The following STXBP5L variants were observed in gnomAD, a reference collection of about 807,000 sequenced individuals.
The protein encoded by STXBP5L is syntaxin binding protein 5L, also known as syntaxin-binding protein 5-like.
Under a neutral mutation model 144.5 loss-of-function variants are expected in STXBP5L, and 65 were observed. The ratio of observed to expected loss-of-function variants is 0.45; its 90% confidence interval spans 0.37 to 0.55. The LOEUF is 0.55. Among genes scored for constraint, STXBP5L ranks in the 20% least tolerant of loss-of-function variants. The pLI, the probability that STXBP5L is intolerant of heterozygous loss-of-function variation, is 0.00. For missense variants in STXBP5L, 1,298 were observed against 1,405.5 expected (o/e 0.92, Z 1.22); for synonymous variants, 505 against 469.6 (o/e 1.08, Z -0.97).
At chr3:121,073,822 C>T (rs956279665) in intron 5 of STXBP5L, among the ~76,000 whole-genome samples, 9 of 152,182 alleles carry the variant, frequency 5.9e-5, no homozygotes, top group South Asian at 2.1e-4. Flanking sequence ...CTGCACTTGT[C>T]GCCTAGTGTC....
intron 5 of STXBP5L, among the ~76,000 whole-genome samples, chr3:121,050,575 C>T (rs1339228447): frequency 6.6e-6 from 1 of 152,110 alleles, no homozygotes; most frequent in African/African-American, 2.4e-5. Context: ...AAAAGAGCTC[C>T]TGAAGGAAGC....
At chr3:121,102,334 C>G (rs1211284859) in intron 5 of STXBP5L, among the ~76,000 whole-genome samples, 1 of 151,948 alleles carries the variant, frequency 6.6e-6, no homozygotes, top group Non-Finnish European at 1.5e-5. Flanking sequence ...GTACAGTAAC[C>G]AAAAGAGCAT....
At chr3:121,227,585 A>T (rs868698718) in intron 11 of STXBP5L, among the ~76,000 whole-genome samples, 17 of 151,632 alleles carry the variant, frequency 1.1e-4, no homozygotes, top group Non-Finnish European at 1.9e-4. Flanking sequence ...GTTTCAAAAA[A>T]TTTTTTTTTC....
At chr3:121,010,343 T>C (rs1322371275) in intron 3 of STXBP5L, among the ~76,000 whole-genome samples, 1 of 151,912 alleles carries the variant, frequency 6.6e-6, no homozygotes, top group African/African-American at 2.4e-5. Flanking sequence ...TGATAGGCTC[T>C]GGATCTGAGA....
intron 19 of STXBP5L, among the ~76,000 whole-genome samples, chr3:121,292,787 A>G (rs1344508715): frequency 6.6e-6 from 1 of 152,226 alleles, no homozygotes; most frequent in Non-Finnish European, 1.5e-5. Flanking sequence ...TCAGGAATGG[A>G]AAACCAAACA....
intron 2 of STXBP5L, among the ~76,000 whole-genome samples, chr3:120,940,728 A>G (rs1710526415): frequency 6.6e-6 from 1 of 151,728 alleles, no homozygotes; most frequent in Non-Finnish European, 1.5e-5. Flanking sequence ...TTGAATAATA[A>G]AGATGATAGG....
At chr3:121,237,957 G>A (rs2049537343) in intron 12 of STXBP5L, among the ~76,000 whole-genome samples, 1 of 152,136 alleles carries the variant, frequency 6.6e-6, no homozygotes, top group South Asian at 2.1e-4. Context: ...ATTTCTGTCA[G>A]TATTTTGGTC....
intron 9 of STXBP5L, among the ~76,000 whole-genome samples, chr3:121,195,674 A>G (rs2047892181): frequency 6.6e-6 from 1 of 152,200 alleles, no homozygotes; most frequent in African/African-American, 2.4e-5. Context: ...GCTTTAGTAA[A>G]CTAATAGATT....
chr3:121,099,616 A>G (rs2043311352), intron 5 of STXBP5L: 1 of 152,978 alleles, frequency 6.5e-6, no homozygotes, highest in Admixed American at 6.5e-5. Flanking sequence ...TGTAGAAAAG[A>G]CATCCATACT....
At chr3:121,030,243 G>A (rs1441476530) in intron 3 of STXBP5L, among the ~76,000 whole-genome samples, 1 of 152,130 alleles carries the variant, frequency 6.6e-6, no homozygotes, top group Admixed American at 6.6e-5. Context: ...GTTTATTGTG[G>A]CACTATTCAC....
At chr3:120,949,503 A>G (rs553054839) in intron 2 of STXBP5L, among the ~76,000 whole-genome samples, 1 of 152,000 alleles carries the variant, frequency 6.6e-6, no homozygotes, top group South Asian at 2.1e-4. Flanking sequence ...GCCAATGTCT[A>G]GAAGAGTTTT....
At chr3:121,331,595 G>A (rs1353084987) in intron 20 of STXBP5L, among the ~76,000 whole-genome samples, 1 of 152,120 alleles carries the variant, frequency 6.6e-6, no homozygotes, top group Admixed American at 6.5e-5. Context: ...TCTGGCAGAG[G>A]AGCTGAGGTA....
chr3:121,121,269 C>T (rs1228407894), intron 6 of STXBP5L, among the ~76,000 whole-genome samples: 4 of 151,148 alleles, frequency 2.6e-5, no homozygotes, highest in Non-Finnish European at 5.9e-5. Context: ...TGCAATTTAA[C>T]TGAGACAGTT....
At chr3:121,127,288 G>T (rs1345400508) in intron 7 of STXBP5L, among the ~76,000 whole-genome samples, 1 of 152,026 alleles carries the variant, frequency 6.6e-6, no homozygotes, top group Non-Finnish European at 1.5e-5. Flanking sequence ...TATGACCTTT[G>T]TATATTAGTT....
In STXBP5L at chr3:121,392,003, G is replaced by T. The variant is rs867004025; in HGVS notation, c.2587+10471G>T. Among the ~76,000 whole-genome samples, 6 of 152,318 alleles carry T rather than the reference G, an allele frequency of 3.9e-5. No homozygotes were observed. In the East Asian group the frequency reaches 9.7e-4, roughly 25 times the overall value. On this transcript the variant is annotated intron_variant, in intron 22 of 26. Transcript: ENST00000471454. The stretch of plus-strand genomic sequence containing the variant: ...GCTGCCTTTTTTTCAGCTATGCCCT[G>T]CCCACAGAGGTGGAGTCTAGAGATA...
Position 121,104,886 on chromosome 3 carries a change from A to T in STXBP5L, c.471-10039A>T, listed in dbSNP as rs899205414. Among the ~76,000 whole-genome samples the T allele has an allele frequency of 3.3e-5, 5 of 152,306 alleles. No individual in the cohort carries two copies. In the South Asian group the frequency reaches 1.0e-3, roughly 32 times the overall value. ...ACAAAAAGAAAGATAAATAGATGGG[A>T]CTTAGTTAAACTAAAAAGCTTCTGC... On this transcript the variant is annotated intron_variant, in intron 5 of 26. Coordinates refer to ENST00000471454, the MANE Select transcript of STXBP5L (RefSeq NM_001308330.2).
At chr3:121,011,083 T>A (rs1277074781) in intron 3 of STXBP5L, among the ~76,000 whole-genome samples, 1 of 149,836 alleles carries the variant, frequency 6.7e-6, no homozygotes, top group Non-Finnish European at 1.5e-5. Flanking sequence ...TGTCTACCTC[T>A]TGGAGTTTCA....
chr3:121,384,074 T>C (rs906698692), intron 22 of STXBP5L, among the ~76,000 whole-genome samples: 29 of 152,140 alleles, frequency 1.9e-4, no homozygotes, highest in Non-Finnish European at 3.7e-4. Flanking sequence ...TCCTTAGACT[T>C]GAAAACAGTC....
At chr3:121,021,455 C>A (rs1325126124) in intron 3 of STXBP5L, among the ~76,000 whole-genome samples, 1 of 152,134 alleles carries the variant, frequency 6.6e-6, no homozygotes, top group African/African-American at 2.4e-5. Context: ...CCAACAACTG[C>A]AGAATATACC....
Sources: gnomAD v4.1 joint callset for allele counts (sites outside exome capture counted in the v4.1 genomes callset) on GRCh38, gnomAD v4.1.1 for gene constraint, MANE v1.5 for transcripts, NCBI Gene and HGNC (gene_info 2026-07-23, HGNC 2026-07-21) for gene names.